Variants in SLC35A3 observed in about 807,000 individuals in gnomAD.
SLC35A3 encodes solute carrier family 35 member A3, also known as UDP-N-acetylglucosamine transporter.
SLC35A3 carries 26 observed loss-of-function variants against 39.0 expected under a neutral mutation model. The ratio of observed to expected loss-of-function variants is 0.67; its 90% CI spans 0.49 to 0.92. The LOEUF (loss-of-function observed/expected upper bound fraction) is 0.92, where lower values mean the gene tolerates loss of function less well. Ranked by LOEUF, SLC35A3 falls within the 40% of genes least tolerant of loss-of-function variation. The probability of loss-of-function intolerance (pLI) is 0.00; values close to 1 mark genes in which losing one functional copy is unlikely to be tolerated. For missense variants in SLC35A3, 299 were observed against 371.6 expected, an observed-to-expected ratio of 0.80 and a Z score of 1.61; for synonymous variants, 135 against 133.1, an observed-to-expected ratio of 1.01 and a Z score of -0.10.
At chr1:99,975,297 A>G (rs1350604565) in intron 1 of SLC35A3, among the ~76,000 whole-genome samples, 12 of 152,144 alleles carry the variant, frequency 7.9e-5, no homozygotes, top group Admixed American at 3.3e-4. Context: ...TTCTCCCACA[A>G]TAAATATTGT....
intron 2 of SLC35A3, among the ~76,000 whole-genome samples, chr1:99,998,708 C>T (rs1658563176): frequency 6.6e-6 from 1 of 152,194 alleles, no homozygotes; most frequent in Non-Finnish European, 1.5e-5. Flanking sequence ...GCCTGGGTCC[C>T]TGAGTCTCTA....
In SLC35A3 at chr1:100,027,991, C is replaced by T. The variant is rs1279285487; in HGVS notation, c.*5515C>T. ...TTGAGATGGTGTCTCGCTCTGTCAC[C>T]TAGGCTGCAGTGGTGTGACCTCACT... On this transcript the variant is annotated 3_prime_UTR_variant, in exon 8 of 8. Coordinates refer to ENST00000533028, the MANE Select transcript of SLC35A3 (RefSeq NM_012243.3). 1 of 138,400 alleles carries T rather than the reference C, an allele frequency of 7.2e-6. No homozygotes were observed. The highest frequency in any genetic ancestry group is 2.3e-4 in the South Asian group (1 of 4,296). 8.6% of individuals were successfully genotyped at this position (138,400 alleles called of 1,614,324 possible).
intron 1 of SLC35A3, among the ~76,000 whole-genome samples, chr1:99,989,603 A>G (rs1380241671): frequency 1.3e-5 from 2 of 152,110 alleles, no homozygotes; most frequent in Non-Finnish European, 2.9e-5. Context: ...TCTTTTGCCT[A>G]TTTTTAAATT....
intron 5 of SLC35A3, among the ~76,000 whole-genome samples, 153 bp downstream of exon 5, chr1:100,011,686 ATTT>A (rs1659650882): frequency 5.0e-5 from 1 of 20,170 alleles, no homozygotes; most frequent in Admixed American, 5.7e-4. Flanking sequence ...ACATTTTATT[ATTT>A]ATTTATTTAT....
chr1:99,988,412 T>C (rs1417573438), intron 1 of SLC35A3, among the ~76,000 whole-genome samples: 1 of 152,174 alleles, frequency 6.6e-6, no homozygotes, highest in African/African-American at 2.4e-5. Context: ...ATATACCACA[T>C]AGGATAATTT....
chr1:100,019,802 C>G (rs1223845250), intron 7 of SLC35A3, among the ~76,000 whole-genome samples: 1 of 152,206 alleles, frequency 6.6e-6, no homozygotes, highest in Non-Finnish European at 1.5e-5. Flanking sequence ...TTCACCTAAA[C>G]TCTAGATCCC....
In SLC35A3 at chr1:100,023,420, G is replaced by A. The variant is rs1660686317; in HGVS notation, c.*944G>A. On this transcript the variant is annotated 3_prime_UTR_variant, in exon 8 of 8. Transcript: ENST00000533028. Reference sequence around the variant, plus strand: ...AACTATCAAGCATATACTGTATACAGTTAGAAAGTTATTAAATGAACATTT... The same window carrying A: ...AACTATCAAGCATATACTGTATACAATTAGAAAGTTATTAAATGAACATTT... The A allele has an allele frequency of 6.6e-6, 1 of 152,142 alleles. No individual in the cohort carries two copies. Among genetic ancestry groups the A allele is most frequent in the African/African-American group, 2.4e-5 (1 of 41,422 alleles). 9.4% of individuals were successfully genotyped at this position (152,142 alleles called of 1,614,324 possible).
intron 6 of SLC35A3, chr1:100,015,807 G>A (rs1660062407): frequency 5.4e-6 from 1 of 185,460 alleles, no homozygotes; most frequent in East Asian, 1.3e-4. Flanking sequence ...GCCTCATATT[G>A]TAGTTACATA....
chr1:100,009,090 G>T (rs1030341625), intron 4 of SLC35A3: 1 of 152,182 alleles, frequency 6.6e-6, no homozygotes, highest in Non-Finnish European at 1.5e-5. Flanking sequence ...GAGTACTTAT[G>T]TGCCAGGTGC....
rs1251803858 is a variant in SLC35A3 at position 99,974,014 on chromosome 1, CAA to C, written c.-19+3870_-19+3871del. Among the ~76,000 whole-genome samples, 615 of 68,140 alleles carry C rather than the reference CAA, an allele frequency of 9.0e-3. 2 individuals are homozygous for C. Among genetic ancestry groups the C allele is most frequent in the African/African-American group, 0.024 (557 of 23,170 alleles). The allele number at this position is 68,140 out of a possible 152,430, so 44.7% of individuals were successfully genotyped here. A position where few individuals can be genotyped will look rare whatever the true frequency, so the allele number is the denominator to read the frequency against. On this transcript the variant is annotated intron_variant, in intron 1 of 7. Transcript: ENST00000533028. ...TGGGCGACAGAGTGAGACTCCATCT[CAA>C]AAAAAAAAAAAAAAAAATGAAGCTG...
intron 3 of SLC35A3, among the ~76,000 whole-genome samples, chr1:100,004,904 A>G (rs1169841215): frequency 6.6e-6 from 1 of 151,694 alleles, no homozygotes; most frequent in Non-Finnish European, 1.5e-5. Flanking sequence ...ATGCCTGTGC[A>G]CGCCACCATG....
intron 2 of SLC35A3, 38 bp downstream of exon 2, chr1:99,993,779 T>G: frequency 1.3e-6 from 2 of 1,560,016 alleles, no homozygotes; most frequent in Non-Finnish European, 1.8e-6. Flanking sequence ...TCAATGCAAT[T>G]TATTTAGTTT....
intron 1 of SLC35A3, among the ~76,000 whole-genome samples, chr1:99,987,442 T>C (rs1364706245): frequency 6.6e-6 from 1 of 152,182 alleles, no homozygotes; most frequent in African/African-American, 2.4e-5. Flanking sequence ...AGTTATAATC[T>C]ATGTATATTT....
At chr1:100,013,895 A>T (rs1028189303) in intron 5 of SLC35A3, among the ~76,000 whole-genome samples, 1 of 152,130 alleles carries the variant, frequency 6.6e-6, no homozygotes, top group Non-Finnish European at 1.5e-5. Flanking sequence ...TTATAACTTC[A>T]TTTTTAAAAA....
intron 1 of SLC35A3, among the ~76,000 whole-genome samples, chr1:99,974,683 G>A (rs1034303493): frequency 6.6e-6 from 1 of 151,996 alleles, no homozygotes; most frequent in Non-Finnish European, 1.5e-5. Context: ...GATAAGTCTT[G>A]GTTCATGTCT....
intron 4 of SLC35A3, among the ~76,000 whole-genome samples, chr1:100,011,004 G>A (rs886522596): frequency 1.3e-5 from 2 of 152,052 alleles, no homozygotes; most frequent in African/African-American, 4.8e-5. Flanking sequence ...CTCTACTTTT[G>A]CTGACACAGC....
intron 1 of SLC35A3, among the ~76,000 whole-genome samples, chr1:99,984,325 G>A (rs866143703): frequency 6.6e-6 from 1 of 152,188 alleles, no homozygotes; most frequent in Non-Finnish European, 1.5e-5. Context: ...TCCCATTTAG[G>A]AGTGAGAACA....
chr1:100,006,631 G>A (rs1659250427), intron 3 of SLC35A3, among the ~76,000 whole-genome samples: 1 of 152,272 alleles, frequency 6.6e-6, no homozygotes, highest in South Asian at 2.1e-4. Flanking sequence ...CTGGAGGCCT[G>A]TGCAAGGACA....
rs1660813967 is a variant in SLC35A3, at chr1:100,024,850, A to G, written c.*2374A>G. ...AACTGTAAAAAATAAGTATTTTTAT[A>G]TAGCTCTCATGGATTTTATTAAACA... On this transcript the variant is annotated 3_prime_UTR_variant, in exon 8 of 8. Transcript: ENST00000533028. The G allele has an allele frequency of 5.2e-6, 2 of 385,214 alleles. No homozygotes were observed. The highest frequency in any genetic ancestry group is 3.7e-5 in the East Asian group (1 of 27,088). 23.9% of individuals were successfully genotyped at this position (385,214 alleles called of 1,614,324 possible). A position where few individuals can be genotyped will look rare whatever the true frequency, so the allele number is the denominator to read the frequency against.
Sources: gnomAD v4.1 joint callset for allele counts (sites outside exome capture counted in the v4.1 genomes callset) on GRCh38, gnomAD v4.1.1 for gene constraint, MANE v1.5 for transcripts, NCBI Gene and HGNC (gene_info 2026-07-23, HGNC 2026-07-21) for gene names.